Variants in ADAMTS17 observed in about 807,000 individuals in gnomAD.
The protein encoded by ADAMTS17 is A disintegrin and metalloproteinase with thrombospondin motifs 17.
In ADAMTS17, 113 loss-of-function variants were observed where a neutral mutation model predicts 141.5. The observed-to-expected ratio is 0.80, with a 90% CI of 0.69 to 0.93. The LOEUF (loss-of-function observed/expected upper bound fraction) is 0.93, where lower values mean the gene tolerates loss of function less well. Among genes scored for constraint, ADAMTS17 ranks in the 40% least tolerant of loss-of-function variants. The probability of loss-of-function intolerance (pLI) is 0.00; values close to 1 mark genes in which losing one functional copy is unlikely to be tolerated. For missense variants in ADAMTS17, 1,659 were observed against 1,517.9 expected (o/e 1.09, Z -1.54); for synonymous variants, 768 against 630.6 (o/e 1.22, Z -3.27).
intron 8 of ADAMTS17, among the ~76,000 whole-genome samples, chr15:100,181,132 C>T (rs1271441004): frequency 6.6e-6 from 1 of 152,152 alleles, no homozygotes; most frequent in Non-Finnish European, 1.5e-5. Flanking sequence ...GCCAGGCTAC[C>T]ACAAGGTTCA....
chr15:100,293,726 T>C (rs890960819), intron 3 of ADAMTS17, among the ~76,000 whole-genome samples: 23 of 152,206 alleles, frequency 1.5e-4, no homozygotes, highest in Admixed American at 1.2e-3. Flanking sequence ...ACTTGCCTTC[T>C]TGACTAGACT....
intron 7 of ADAMTS17, among the ~76,000 whole-genome samples, chr15:100,238,949 G>A (rs190335603): frequency 2.8e-4 from 42 of 152,340 alleles, no homozygotes; most frequent in Non-Finnish European, 4.3e-4. Context: ...AAGTTAGCCA[G>A]GCGTAGTGGC....
intron 18 of ADAMTS17, among the ~76,000 whole-genome samples, chr15:100,007,157 G>A (rs984175467): frequency 2.0e-5 from 3 of 152,188 alleles, no homozygotes; most frequent in Non-Finnish European, 4.4e-5. Context: ...AGCTTGGGTT[G>A]GGTCCTGAAG....
intron 7 of ADAMTS17, among the ~76,000 whole-genome samples, chr15:100,235,981 T>C (rs979808046): frequency 6.6e-6 from 1 of 152,118 alleles, no homozygotes; most frequent in Non-Finnish European, 1.5e-5. Flanking sequence ...ATCAAGTTTA[T>C]GGAAAATCTG....
chr15:100,317,336 T>C (rs553217730), intron 3 of ADAMTS17, among the ~76,000 whole-genome samples: 4 of 152,244 alleles, frequency 2.6e-5, no homozygotes, highest in Admixed American at 1.3e-4. Flanking sequence ...AGGGGCCCCA[T>C]GGGCTTCTCT....
chr15:100,060,754 T>C (rs28617345), intron 15 of ADAMTS17, among the ~76,000 whole-genome samples: 24,097 of 152,234 alleles, frequency 0.16, 2,444 homozygotes, highest in African/African-American at 0.28. Flanking sequence ...AGGCATTTCC[T>C]GTTCCAGGTG....
intron 10 of ADAMTS17, among the ~76,000 whole-genome samples, chr15:100,140,508 T>TATATATATATATATATATATATA (rs61080608): frequency 5.0e-5 from 7 of 139,622 alleles, no homozygotes; most frequent in African/African-American, 5.2e-5. Flanking sequence ...TATATATATA[T>TATATATATATATATATATATATA]CCAGTAAAGA....
intron 3 of ADAMTS17, among the ~76,000 whole-genome samples, chr15:100,320,684 T>C (rs986411980): frequency 2.0e-5 from 3 of 152,018 alleles, no homozygotes; most frequent in African/African-American, 7.3e-5. Context: ...ATACTAAAAA[T>C]TAGCCGGGTG....
intron 8 of ADAMTS17, among the ~76,000 whole-genome samples, chr15:100,176,047 C>T (rs1479342747): frequency 6.6e-6 from 1 of 152,208 alleles, no homozygotes; most frequent in Non-Finnish European, 1.5e-5. Flanking sequence ...CTGCCCAGGC[C>T]ACAGGCGCAA....
chr15:100,165,682 T>A (rs1384461475), intron 8 of ADAMTS17, among the ~76,000 whole-genome samples: 1 of 152,216 alleles, frequency 6.6e-6, no homozygotes, highest in Non-Finnish European at 1.5e-5. Flanking sequence ...TGAGGGGCTG[T>A]GCTAAAGCTG....
intron 3 of ADAMTS17, among the ~76,000 whole-genome samples, chr15:100,326,774 A>C (rs1408323842): frequency 6.6e-6 from 1 of 152,204 alleles, no homozygotes; most frequent in Non-Finnish European, 1.5e-5. Context: ...AATCCCAATT[A>C]AACAGAACGT....
At chr15:100,326,089 T>C (rs1177753010) in intron 3 of ADAMTS17, among the ~76,000 whole-genome samples, 2 of 152,232 alleles carry the variant, frequency 1.3e-5, no homozygotes, top group Non-Finnish European at 2.9e-5. Flanking sequence ...ACTCTTTTTC[T>C]GGGGTTACAG....
chr15:100,051,137 G>A (rs1007550342), intron 17 of ADAMTS17, among the ~76,000 whole-genome samples: 1 of 152,180 alleles, frequency 6.6e-6, no homozygotes, highest in Non-Finnish European at 1.5e-5. Context: ...CGACTTGCAG[G>A]ACTTTTTCTT....
intron 3 of ADAMTS17, among the ~76,000 whole-genome samples, chr15:100,290,721 T>A (rs1204777301): frequency 1.3e-5 from 2 of 152,116 alleles, no homozygotes; most frequent in African/African-American, 4.8e-5. Flanking sequence ...AACTACCTGA[T>A]CTCTGAAAAA....
chr15:99,974,075 G>T lies in ADAMTS17; in HGVS notation c.*327C>A. 4.9e-6 allele frequency: 2 copies of T among 406,686 alleles called. No homozygotes were observed. Among genetic ancestry groups the T allele is most frequent in the South Asian group, 2.2e-5 (1 of 45,030 alleles). The allele number at this position is 406,686 out of a possible 1,614,324, so 25.2% of individuals were successfully genotyped here. ...CACTGGAAATTCAAATGTCAAAAGC[G>T]AGTCAAGACAAGAACACTAAATGAT... is the stretch of plus-strand genomic sequence containing the variant. On this transcript the variant is annotated 3_prime_UTR_variant, in exon 22 of 22. Transcript: ENST00000268070.
intron 3 of ADAMTS17, among the ~76,000 whole-genome samples, chr15:100,323,690 C>T (rs1026196246): frequency 4.0e-5 from 6 of 151,860 alleles, no homozygotes; most frequent in South Asian, 2.1e-4. Flanking sequence ...GCCAGTTCTT[C>T]GAAAAGGTTA....
chr15:100,254,847 G>C (rs1445778310), intron 6 of ADAMTS17, among the ~76,000 whole-genome samples: 1 of 152,200 alleles, frequency 6.6e-6, no homozygotes, highest in African/African-American at 2.4e-5. Flanking sequence ...CCAGCCGGGG[G>C]AGGCGGGGTG....
chr15:100,194,228 G>T (rs2041028468), intron 8 of ADAMTS17, among the ~76,000 whole-genome samples: 1 of 152,054 alleles, frequency 6.6e-6, no homozygotes, highest in African/African-American at 2.4e-5. Context: ...TTGAGACACA[G>T]GTGGGCACAG....
chr15:100,231,374 T>C (rs957270505), intron 7 of ADAMTS17, among the ~76,000 whole-genome samples: 10 of 152,168 alleles, frequency 6.6e-5, no homozygotes, highest in African/African-American at 2.2e-4. Context: ...TTAAAGACAA[T>C]TCCCAGTGTG....
Sources: gnomAD v4.1 joint callset for allele counts (sites outside exome capture counted in the v4.1 genomes callset) on GRCh38, gnomAD v4.1.1 for gene constraint, MANE v1.5 for transcripts, NCBI Gene and HGNC (gene_info 2026-07-23, HGNC 2026-07-21) for gene names.